Variants in FOXK2 observed in about 807,000 individuals in gnomAD.
The protein encoded by FOXK2 is forkhead box K2.
FOXK2 carries 24 observed loss-of-function variants against 53.3 expected under a neutral mutation model. The observed-to-expected ratio is 0.45, with a 90% confidence interval of 0.33 to 0.63. The LOEUF (loss-of-function observed/expected upper bound fraction) is 0.63, where lower values mean the gene tolerates loss of function less well. Among genes scored for constraint, FOXK2 ranks in the 30% least tolerant of loss-of-function variants. The probability of loss-of-function intolerance (pLI) is 0.03; values close to 1 mark genes in which losing one functional copy is unlikely to be tolerated. For synonymous variants in FOXK2, 505 were observed against 407.1 expected (o/e 1.24, Z -2.89); for missense variants, 952 against 910.5 (o/e 1.05, Z -0.59).
chr17:82,586,920 G>T (rs185419563), intron 7 of FOXK2, 143 bp from the exon 8 acceptor site: 341 of 772,518 alleles, frequency 4.4e-4, no homozygotes, highest in Non-Finnish European at 6.0e-4. Context: ...AAAAAGATTT[G>T]CTCATCTTTT....
intron 1 of FOXK2, among the ~76,000 whole-genome samples, chr17:82,547,973 C>A (rs1011805331): frequency 6.6e-6 from 1 of 152,212 alleles, no homozygotes; most frequent in African/African-American, 2.4e-5. Context: ...GATTGCTGGG[C>A]GGCAGCTGAG....
chr17:82,601,773 G>A lies in FOXK2; in HGVS notation c.*274G>A, dbSNP rs1222596449. 2 of 358,760 alleles carry A rather than the reference G, an allele frequency of 5.6e-6. No homozygotes were observed. The highest frequency in any genetic ancestry group is 1.0e-5 in the Non-Finnish European group (2 of 193,480). 22.2% of individuals were successfully genotyped at this position (358,760 alleles called of 1,614,324 possible). A position where few individuals can be genotyped will look rare whatever the true frequency, so the allele number is the denominator to read the frequency against. ...TACGAGTGAAACTCTGTCCTCCCGC[G>A]AGGACCAGGCATCGCTGTGTGAGGA... On this transcript the variant is annotated 3_prime_UTR_variant, in exon 9 of 9. Transcript: ENST00000335255.
At chr17:82,536,796 C>T (rs2044524953) in intron 1 of FOXK2, among the ~76,000 whole-genome samples, 1 of 152,366 alleles carries the variant, frequency 6.6e-6, no homozygotes. Context: ...CCCAGAAACA[C>T]ACCCAGGTTT....
At chr17:82,597,230 G>A (rs764710988) in intron 8 of FOXK2, among the ~76,000 whole-genome samples, 3 of 152,218 alleles carry the variant, frequency 2.0e-5, no homozygotes, top group Non-Finnish European at 4.4e-5. Context: ...TGCAGTGCTC[G>A]CTGCACAGAC....
intron 3 of FOXK2, 60 bp downstream of exon 3, chr17:82,568,261 C>A: frequency 6.3e-7 from 1 of 1,588,170 alleles, no homozygotes; most frequent in South Asian, 1.1e-5. Flanking sequence ...ACAGGGCCCT[C>A]AATGTCACCT....
chr17:82,568,565 T>G (rs763050997), intron 3 of FOXK2, among the ~76,000 whole-genome samples: 4 of 152,228 alleles, frequency 2.6e-5, no homozygotes, highest in African/African-American at 9.6e-5. Context: ...ATGCACACCC[T>G]GCCACTCATG....
chr17:82,586,962 C>T (rs1004152288), intron 7 of FOXK2, 101 bp from the exon 8 acceptor site: 1 of 1,049,414 alleles, frequency 9.5e-7, no homozygotes, highest in Non-Finnish European at 1.4e-6. Flanking sequence ...GAGACATTTT[C>T]TAGCAGGTGT....
intron 4 of FOXK2, chr17:82,576,622 G>A: frequency 1.8e-6 from 2 of 1,110,010 alleles, no homozygotes; most frequent in Non-Finnish European, 2.7e-6. Flanking sequence ...CAGTGCCGCA[G>A]ATTGTTCTGG....
chr17:82,569,948 G>A (rs1047331971), intron 3 of FOXK2, among the ~76,000 whole-genome samples: 15 of 151,334 alleles, frequency 9.9e-5, no homozygotes, highest in South Asian at 2.1e-4. Context: ...TAGGCTGGGC[G>A]CAGTGGCTCA....
intron 4 of FOXK2, among the ~76,000 whole-genome samples, chr17:82,579,010 T>C (rs571966457): frequency 4.7e-4 from 72 of 152,356 alleles, no homozygotes; most frequent in African/African-American, 1.7e-3. Context: ...TCGGGGCTTG[T>C]TGACTGTTGT....
At chr17:82,556,160 A>C (rs2044722532) in intron 1 of FOXK2, among the ~76,000 whole-genome samples, 1 of 151,846 alleles carries the variant, frequency 6.6e-6, no homozygotes, top group South Asian at 2.1e-4. Context: ...AGAAAAAGCA[A>C]GTTGGCCGGG....
intron 1 of FOXK2, among the ~76,000 whole-genome samples, chr17:82,549,211 A>C (rs2044653749): frequency 6.6e-6 from 1 of 152,150 alleles, no homozygotes; most frequent in Non-Finnish European, 1.5e-5. Flanking sequence ...CTTAAGTGTG[A>C]GGGTGTGTGC....
At chr17:82,595,705 C>G in intron 8 of FOXK2, 1 of 1,194,896 alleles carries the variant, frequency 8.4e-7, no homozygotes, top group South Asian at 1.3e-5. Flanking sequence ...GTTATTAAGC[C>G]TGTGTCACTA....
intron 1 of FOXK2, among the ~76,000 whole-genome samples, chr17:82,536,367 G>T (rs9904946): frequency 0.089 from 13,495 of 152,196 alleles, 817 homozygotes; most frequent in East Asian, 0.24. Context: ...CTGTGATGAT[G>T]AGAACGCAGT....
chr17:82,555,177 T>C (rs1418805959), intron 1 of FOXK2, among the ~76,000 whole-genome samples: 1 of 152,186 alleles, frequency 6.6e-6, no homozygotes, highest in Non-Finnish European at 1.5e-5. Flanking sequence ...AGTGCTTCTG[T>C]GGAGGAAAGT....
At chr17:82,522,062 T>C (rs956159560) in intron 1 of FOXK2, among the ~76,000 whole-genome samples, 1 of 149,800 alleles carries the variant, frequency 6.7e-6, no homozygotes, top group Non-Finnish European at 1.5e-5. Flanking sequence ...TTTTTTTTTT[T>C]TTTACAAAAT....
At chr17:82,538,966 G>A (rs985545918) in intron 1 of FOXK2, among the ~76,000 whole-genome samples, 2 of 152,240 alleles carry the variant, frequency 1.3e-5, no homozygotes, top group Non-Finnish European at 2.9e-5. Flanking sequence ...TTATCTTCTG[G>A]TGGAAAGAAA....
At chr17:82,575,720 G>A (rs1009973528) in intron 4 of FOXK2, among the ~76,000 whole-genome samples, 9 of 152,184 alleles carry the variant, frequency 5.9e-5, no homozygotes, top group Non-Finnish European at 1.0e-4. Flanking sequence ...GAGACAAGCT[G>A]TGATCACAGG....
intron 8 of FOXK2, among the ~76,000 whole-genome samples, chr17:82,594,603 G>A (rs770682769): frequency 7.9e-5 from 12 of 152,146 alleles, no homozygotes; most frequent in Non-Finnish European, 1.3e-4. Context: ...ATGCATCTCC[G>A]CAGTCATCTT....
Sources: allele counts gnomAD v4.1 joint callset (sites outside exome capture counted in the v4.1 genomes callset), GRCh38; gene constraint gnomAD v4.1.1; transcripts MANE v1.5; gene names NCBI Gene and HGNC (gene_info 2026-07-23, HGNC 2026-07-21).